The following ZFHX3 variants were observed in gnomAD, a reference collection of about 807,000 sequenced individuals.
ZFHX3 encodes zinc finger homeobox protein 3.
Under a neutral mutation model 279.1 loss-of-function variants are expected in ZFHX3, and 42 were observed. The observed-to-expected ratio is 0.15, with a 90% CI of 0.12 to 0.19. The LOEUF is 0.19. Among genes scored for constraint, ZFHX3 ranks in the 10% least tolerant of loss-of-function variants. The probability of loss-of-function intolerance (pLI) is 1.00; values close to 1 mark genes in which losing one functional copy is unlikely to be tolerated. For synonymous variants in ZFHX3, 2,293 were observed against 1,957.8 expected (o/e 1.17, Z -4.52); for missense variants, 4,981 against 4,754.0 (o/e 1.05, Z -1.40).
At chr16:73,596,305 G>A (rs577378034) in intron 2 of ZFHX3, among the ~76,000 whole-genome samples, 120 of 152,242 alleles carry the variant, frequency 7.9e-4, no homozygotes, top group Admixed American at 1.7e-3. Context: ...TTACAGGCGT[G>A]AGCCAACGCA....
At chr16:72,991,527 T>C (rs556468017) in intron 1 of ZFHX3, among the ~76,000 whole-genome samples, 1 of 152,192 alleles carries the variant, frequency 6.6e-6, no homozygotes, top group Non-Finnish European at 1.5e-5. Context: ...CTTTACCCCA[T>C]AGGGTTGTAA....
At chr16:72,928,892 G>GTTGA (rs1367598104) in intron 3 of ZFHX3, among the ~76,000 whole-genome samples, 1 of 152,144 alleles carries the variant, frequency 6.6e-6, no homozygotes, top group Admixed American at 6.5e-5. Flanking sequence ...AGCCCAGGAG[G>GTTGA]TTGAGGCTGC....
intron 4 of ZFHX3, among the ~76,000 whole-genome samples, chr16:73,311,371 G>A (rs1320718806): frequency 6.6e-6 from 1 of 152,136 alleles, no homozygotes; most frequent in East Asian, 1.9e-4. Context: ...GAGGCAGGCA[G>A]ATCACCTGAG....
At chr16:73,392,193 G>A (rs1385594527) in intron 3 of ZFHX3, among the ~76,000 whole-genome samples, 1 of 151,976 alleles carries the variant, frequency 6.6e-6, no homozygotes, top group African/African-American at 2.4e-5. Context: ...GCTGAGGTGG[G>A]TGGTTCACTT....
chr16:73,094,398 C>G (rs1011588248), intron 7 of ZFHX3: 1 of 152,164 alleles, frequency 6.6e-6, no homozygotes, highest in African/African-American at 2.4e-5. Flanking sequence ...GCAATAACTG[C>G]ATAGTTGATT....
upstream of ZFHX3, among the ~76,000 whole-genome samples, chr16:73,050,983 A>G (rs1324600996): frequency 6.6e-6 from 1 of 152,146 alleles, no homozygotes; most frequent in African/African-American, 2.4e-5. Flanking sequence ...GATTCTACCG[A>G]GCCAAACCTG....
At chr16:73,862,375 G>A (rs1356656130) in intron 1 of ZFHX3, among the ~76,000 whole-genome samples, 1 of 152,122 alleles carries the variant, frequency 6.6e-6, no homozygotes, top group Non-Finnish European at 1.5e-5. Flanking sequence ...GAAAGTTCTT[G>A]GTTACATGCT....
intron 2 of ZFHX3, among the ~76,000 whole-genome samples, chr16:73,519,570 T>C (rs1028128234): frequency 6.6e-6 from 1 of 152,154 alleles, no homozygotes; most frequent in African/African-American, 2.4e-5. Flanking sequence ...TCCCATTTTC[T>C]ACCTCCCAAA....
At chr16:73,241,036 C>T (rs1302731453) in intron 5 of ZFHX3, among the ~76,000 whole-genome samples, 6 of 152,146 alleles carry the variant, frequency 3.9e-5, no homozygotes. Context: ...GCATTTTTCT[C>T]AAAGAAAGAA....
intron 5 of ZFHX3, among the ~76,000 whole-genome samples, chr16:72,820,875 G>A (rs547534986): frequency 2.6e-4 from 40 of 152,092 alleles, no homozygotes; most frequent in Non-Finnish European, 4.7e-4. Context: ...AGTCGCATGC[G>A]AGTCATTCTA....
intron 2 of ZFHX3, among the ~76,000 whole-genome samples, chr16:73,465,915 C>A (rs544018376): frequency 6.6e-6 from 1 of 152,032 alleles, no homozygotes; most frequent in Non-Finnish European, 1.5e-5. Context: ...TGACAGGCTG[C>A]GAGGGACAAC....
At chr16:73,445,368 G>A (rs1033787812) in intron 3 of ZFHX3, among the ~76,000 whole-genome samples, 1 of 151,562 alleles carries the variant, frequency 6.6e-6, no homozygotes, top group East Asian at 1.9e-4. Context: ...CAGTTTTATT[G>A]ACCAAAATAG....
chr16:73,631,204 T>A (rs2052465587), intron 2 of ZFHX3, among the ~76,000 whole-genome samples: 1 of 152,210 alleles, frequency 6.6e-6, no homozygotes, highest in Non-Finnish European at 1.5e-5. Flanking sequence ...TGAGTATCTA[T>A]ATGTAAAGGC....
At chr16:73,546,662 GTGCTGCTGT>G (rs1214299553) in intron 2 of ZFHX3, among the ~76,000 whole-genome samples, 7 of 145,454 alleles carry the variant, frequency 4.8e-5, no homozygotes, top group Admixed American at 2.1e-4. Flanking sequence ...AAAGCTTTGG[GTGCTGCTGT>G]TGCTGCTGCT....
chr16:73,646,919 G>A (rs1238005563), intron 2 of ZFHX3, among the ~76,000 whole-genome samples: 2 of 152,072 alleles, frequency 1.3e-5, no homozygotes, highest in African/African-American at 4.8e-5. Context: ...GGAACCCTTT[G>A]GAGAGTGAAA....
intron 3 of ZFHX3, among the ~76,000 whole-genome samples, chr16:72,931,085 C>T (rs1959771186): frequency 1.3e-5 from 2 of 152,250 alleles, no homozygotes; most frequent in South Asian, 4.2e-4. Flanking sequence ...ATTTCTTATA[C>T]ACCTCTTGAC....
chr16:73,314,543 C>T (rs2015400505), intron 4 of ZFHX3, among the ~76,000 whole-genome samples: 1 of 152,172 alleles, frequency 6.6e-6, no homozygotes, highest in Non-Finnish European at 1.5e-5. Context: ...GTAGTCCGTG[C>T]TCCTACATGG....
chr16:73,417,372 T>TTAAGAAAAG (rs962529063), intron 3 of ZFHX3, among the ~76,000 whole-genome samples: 3 of 150,316 alleles, frequency 2.0e-5, no homozygotes, highest in African/African-American at 7.4e-5. Flanking sequence ...TACCCATTAA[T>TTAAGAAAAG]TAAGAAAAGG....
intron 5 of ZFHX3, among the ~76,000 whole-genome samples, chr16:73,239,316 G>A (rs932131530): frequency 6.6e-6 from 1 of 152,124 alleles, no homozygotes; most frequent in East Asian, 1.9e-4. Context: ...GCAGTGGGGT[G>A]GTCTTTAGGT....
Sources: allele counts gnomAD v4.1 joint callset (sites outside exome capture counted in the v4.1 genomes callset), GRCh38; gene constraint gnomAD v4.1.1; transcripts MANE v1.5; gene names NCBI Gene and HGNC (gene_info 2026-07-23, HGNC 2026-07-21).